CCSER1: variants seen among roughly 807,000 people sequenced by gnomAD.
CCSER1 encodes the protein serine-rich coiled-coil domain-containing protein 1.
A neutral mutation model predicts 82.0 loss-of-function variants in CCSER1; 41 were observed. That is an observed-to-expected ratio of 0.50 (90% CI 0.39 to 0.65). The LOEUF is 0.65. CCSER1 is among the 30% of genes least tolerant of loss of function. CCSER1 has a pLI of 0.00. For missense variants in CCSER1, 1,119 were observed against 1,064.2 expected (o/e 1.05, Z -0.72); for synonymous variants, 414 against 383.9 (o/e 1.08, Z -0.92).
At chr4:90,671,880 A>G (rs1473239617) in intron 6 of CCSER1, among the ~76,000 whole-genome samples, 1 of 152,074 alleles carries the variant, frequency 6.6e-6, no homozygotes, top group Non-Finnish European at 1.5e-5. Context: ...TAGAAGACAT[A>G]AAAACAACAT....
At chr4:90,520,319 A>G (rs1019106616) in intron 5 of CCSER1, among the ~76,000 whole-genome samples, 2 of 151,978 alleles carry the variant, frequency 1.3e-5, no homozygotes, top group African/African-American at 4.8e-5. Flanking sequence ...AAATACTAAG[A>G]AAATAGATAT....
intron 8 of CCSER1, among the ~76,000 whole-genome samples, chr4:90,828,542 T>C (rs1447321492): frequency 6.6e-6 from 1 of 152,208 alleles, no homozygotes; most frequent in Non-Finnish European, 1.5e-5. Context: ...AAATTTAGTT[T>C]CGTATCACTT....
chr4:91,023,894 T>C (rs1740244283), intron 9 of CCSER1, among the ~76,000 whole-genome samples: 1 of 152,184 alleles, frequency 6.6e-6, no homozygotes, highest in South Asian at 2.1e-4. Context: ...TTCTTAGCTA[T>C]CTTTCTTCTT....
chr4:90,910,361 C>T lies in CCSER1; in HGVS notation c.2095-13009C>T, dbSNP rs965816100. On this transcript the variant is annotated intron_variant, in intron 8 of 10. Coordinates refer to ENST00000509176, the MANE Select transcript of CCSER1 (RefSeq NM_001145065.2). The stretch of plus-strand genomic sequence containing the variant: ...CATATCCTTTACATCTAGAATATGA[C>T]GCACAGTTATCTGGGTACAAGTATT... 4.6e-5 allele frequency among the ~76,000 whole-genome samples: 7 copies of T among 152,270 alleles called. No homozygotes were observed. The East Asian group carries it at 9.7e-4, about 21-fold the overall frequency.
chr4:91,328,321 C>T (rs1011455237), intron 10 of CCSER1, among the ~76,000 whole-genome samples: 1 of 152,200 alleles, frequency 6.6e-6, no homozygotes, highest in African/African-American at 2.4e-5. Context: ...AACTTACAAT[C>T]ATGGCCAAAG....
chr4:91,169,397 G>C (rs1732519674), intron 10 of CCSER1, among the ~76,000 whole-genome samples: 1 of 152,080 alleles, frequency 6.6e-6, no homozygotes, highest in East Asian at 1.9e-4. Context: ...GAGGCGGGTG[G>C]ATCATTTGAG....
chr4:90,367,985 T>C (rs1322014869), intron 3 of CCSER1, among the ~76,000 whole-genome samples: 1 of 151,988 alleles, frequency 6.6e-6, no homozygotes, highest in Non-Finnish European at 1.5e-5. Context: ...TGATGCAAAA[T>C]GTTTAACAGG....
intron 10 of CCSER1, among the ~76,000 whole-genome samples, chr4:91,093,554 T>C (rs1724192999): frequency 1.3e-5 from 2 of 152,200 alleles, no homozygotes; most frequent in Admixed American, 6.5e-5. Context: ...CTTGTCTGCT[T>C]CTTATGCTAA....
At chr4:91,498,866 AACT>A (rs1261007051) in intron 10 of CCSER1, among the ~76,000 whole-genome samples, 1 of 151,994 alleles carries the variant, frequency 6.6e-6, no homozygotes, top group Non-Finnish European at 1.5e-5. Context: ...TAATTTATAT[AACT>A]ACAATACAGT....
intron 1 of CCSER1, among the ~76,000 whole-genome samples, chr4:90,307,032 C>A (rs1458720751): frequency 1.3e-5 from 2 of 152,110 alleles, no homozygotes; most frequent in African/African-American, 4.8e-5. Context: ...TATGAGCTGA[C>A]CCTGTAGGGT....
chr4:90,817,867 A>G (rs1759222612), intron 8 of CCSER1, among the ~76,000 whole-genome samples: 1 of 152,190 alleles, frequency 6.6e-6, no homozygotes, highest in African/African-American at 2.4e-5. Context: ...CTGGTAATAA[A>G]TAACTTGTGA....
At chr4:91,573,496 C>G (rs1227618755) in intron 10 of CCSER1, among the ~76,000 whole-genome samples, 1 of 152,168 alleles carries the variant, frequency 6.6e-6, no homozygotes, top group Non-Finnish European at 1.5e-5. Flanking sequence ...CTGCATAGCT[C>G]TGTCAGATTG....
intron 5 of CCSER1, among the ~76,000 whole-genome samples, chr4:90,493,412 A>T (rs532161811): frequency 2.1e-3 from 326 of 152,138 alleles, no homozygotes; most frequent in Non-Finnish European, 3.5e-3. Flanking sequence ...AAATACAGAG[A>T]TGCCACAAAG....
intron 5 of CCSER1, among the ~76,000 whole-genome samples, chr4:90,483,045 T>C (rs1766330711): frequency 6.6e-6 from 1 of 152,202 alleles, no homozygotes; most frequent in East Asian, 1.9e-4. Context: ...GCTTTATGAA[T>C]CTGAGTGCTC....
intron 6 of CCSER1, among the ~76,000 whole-genome samples, chr4:90,700,444 A>C (rs1737842774): frequency 6.6e-6 from 1 of 152,156 alleles, no homozygotes; most frequent in South Asian, 2.1e-4. Context: ...TGCCGCAATA[A>C]ACATACGTGT....
intron 10 of CCSER1, among the ~76,000 whole-genome samples, chr4:91,482,253 T>G: frequency 7.8e-6 from 1 of 128,518 alleles, no homozygotes; most frequent in Non-Finnish European, 1.6e-5. Context: ...ATACAAAAAA[T>G]TAGCCGGGCG....
At chr4:90,987,281 CT>C (rs1308437358) in intron 9 of CCSER1, among the ~76,000 whole-genome samples, 1 of 151,044 alleles carries the variant, frequency 6.6e-6, no homozygotes, top group Non-Finnish European at 1.5e-5. Context: ...TTTATTTACT[CT>C]TTACCCATAG....
intron 5 of CCSER1, among the ~76,000 whole-genome samples, chr4:90,499,120 G>T (rs1327035274): frequency 1.3e-5 from 2 of 151,978 alleles, no homozygotes; most frequent in Non-Finnish European, 2.9e-5. Flanking sequence ...GTATATGTGT[G>T]TGTGTGTGTG....
Position 90,965,499 on chromosome 4 carries a change from A to G in CCSER1, c.2172+42052A>G, listed in dbSNP as rs1476287923. ...GACATGCCCCCAATACATACACAAA[A>G]CCAATTGGCAAAAGCCGGGAGACTT... On this transcript the variant is annotated intron_variant, in intron 9 of 10. Coordinates refer to ENST00000509176, the MANE Select transcript of CCSER1 (RefSeq NM_001145065.2). Among the ~76,000 whole-genome samples the G allele has an allele frequency of 2.0e-5, 3 of 152,228 alleles. No individual in the cohort carries two copies. The East Asian group carries it at 5.8e-4, about 29-fold the overall frequency.
Sources: gnomAD v4.1 joint callset for allele counts (sites outside exome capture counted in the v4.1 genomes callset) on GRCh38, gnomAD v4.1.1 for gene constraint, MANE v1.5 for transcripts, NCBI Gene and HGNC (gene_info 2026-07-23, HGNC 2026-07-21) for gene names.